Variants in ARMC3 observed in about 807,000 individuals in gnomAD.
The protein encoded by ARMC3 is armadillo repeat-containing protein 3.
In ARMC3, 74 loss-of-function variants were observed where a neutral mutation model predicts 90.3. The observed-to-expected ratio is 0.82, with a 90% CI of 0.68 to 0.99. The LOEUF (loss-of-function observed/expected upper bound fraction) is 0.99. Among genes scored for constraint, ARMC3 ranks in the 50% least tolerant of loss-of-function variants. ARMC3 has a pLI of 0.00. For missense variants in ARMC3, 958 were observed against 1,042.8 expected (o/e 0.92, Z 1.12); for synonymous variants, 334 against 361.8 (o/e 0.92, Z 0.87).
intron 18 of ARMC3, among the ~76,000 whole-genome samples, chr10:23,036,382 C>T (rs1326275335): frequency 6.6e-6 from 1 of 152,178 alleles, no homozygotes; most frequent in African/African-American, 2.4e-5. Flanking sequence ...TTAATATATA[C>T]ATATACAGGG....
chr10:22,984,731 CTT>C (rs1282628803), intron 10 of ARMC3, among the ~76,000 whole-genome samples: 1 of 152,130 alleles, frequency 6.6e-6, no homozygotes, highest in Admixed American at 6.5e-5. Flanking sequence ...GCCAAAAGAT[CTT>C]ACCCATTTGG....
In ARMC3 at chr10:22,932,025, AG is replaced by A; in HGVS notation, c.30del (p.Glu10AspfsTer11). 6 of 1,604,460 alleles carry A rather than the reference AG, an allele frequency of 3.7e-6. No homozygotes were observed. Among genetic ancestry groups the A allele is most frequent in the African/African-American group, 1.3e-5 (1 of 74,386 alleles). On this transcript the variant is annotated frameshift_variant, in exon 2 of 19. Transcript: ENST00000298032. LOFTEE classifies it high-confidence loss of function. The stretch of plus-strand genomic sequence containing the variant: ...GGTAAAAAGATAAAGAAGGAAGTAG[AG>A]CCTCCTCCTAAGGATGTGGTAAGTT... The part of the protein sequence containing the change: MGKKIKKEV[E>X]PPPKDVFDPL...
intron 7 of ARMC3, among the ~76,000 whole-genome samples, chr10:22,964,389 TC>T (rs1196581360): frequency 6.6e-6 from 1 of 152,170 alleles, no homozygotes; most frequent in Non-Finnish European, 1.5e-5. Context: ...TTTATATTTG[TC>T]TGATCTGTTT....
At chr10:23,031,201 A>G (rs1468162350) in intron 17 of ARMC3, 1 of 175,366 alleles carries the variant, frequency 5.7e-6, no homozygotes, top group African/African-American at 2.4e-5. Flanking sequence ...ACAAATGTCC[A>G]ATGTCTCTTT....
In ARMC3 at chr10:23,000,113, G is replaced by T. The variant is rs555926066; in HGVS notation, c.1425+1716G>T. Among the ~76,000 whole-genome samples, 5 of 152,126 alleles carry T rather than the reference G, an allele frequency of 3.3e-5. No individual in the cohort carries two copies. In the East Asian group the frequency reaches 7.8e-4, roughly 24 times the overall value. ...TCACATCATTGCACATCCTCAATGGGAACGTTAAGCTGCTCAGCAACATCT... is the reference window on the plus strand; with the variant it reads ...TCACATCATTGCACATCCTCAATGGTAACGTTAAGCTGCTCAGCAACATCT... On this transcript the variant is annotated intron_variant, in intron 11 of 18. Transcript: ENST00000298032.
At chr10:22,932,816 G>A (rs1379202481) in intron 2 of ARMC3, among the ~76,000 whole-genome samples, 1 of 152,200 alleles carries the variant, frequency 6.6e-6, no homozygotes, top group Non-Finnish European at 1.5e-5. Context: ...GAGCTTTGTG[G>A]TTAAGACACT....
chr10:22,962,304 C>T (rs182360397), intron 7 of ARMC3, among the ~76,000 whole-genome samples: 2 of 152,222 alleles, frequency 1.3e-5, no homozygotes, highest in African/African-American at 4.8e-5. Context: ...AAATTCTTGT[C>T]TATGATCTTC....
At chr10:23,035,188 C>T (rs780886594) in intron 18 of ARMC3, among the ~76,000 whole-genome samples, 7 of 152,150 alleles carry the variant, frequency 4.6e-5, no homozygotes, top group Non-Finnish European at 8.8e-5. Flanking sequence ...ATTGTATCCT[C>T]ACATGGTGGA....
At chr10:22,959,345 G>A in intron 5 of ARMC3, 54 bp from the exon 6 acceptor site, 2 of 1,508,592 alleles carry the variant, frequency 1.3e-6, no homozygotes, top group South Asian at 2.5e-5. Context: ...TTTTAAAGTA[G>A]TGGCTGAATA....
intron 14 of ARMC3, 33 bp from the exon 15 acceptor site, chr10:23,008,243 T>C (rs1216542187): frequency 2.8e-6 from 3 of 1,078,176 alleles, no homozygotes; most frequent in Admixed American, 3.0e-5. Context: ...ATAATTTTAA[T>C]CTATATATAA....
intron 2 of ARMC3, among the ~76,000 whole-genome samples, chr10:22,933,712 C>T (rs954638749): frequency 1.3e-5 from 2 of 152,008 alleles, no homozygotes; most frequent in African/African-American, 4.8e-5. Flanking sequence ...GGTGAAACCC[C>T]GTCTCTACTA....
Position 22,998,335 on chromosome 10 carries a change from G to A in ARMC3, c.1363G>A (p.Val455Met), listed in dbSNP as rs746655428. Reference sequence around the variant, plus strand: ...CCCACTGCGTTCTGCAAACACAGTCGTGCAGAGCAAAGCTGCTCTCGCTGT... The same window carrying A: ...CCCACTGCGTTCTGCAAACACAGTCATGCAGAGCAAAGCTGCTCTCGCTGT... ...ISPLRSANTV[V>M]QSKAALAVTA... Residue 455 changes from valine to methionine, a missense_variant, in exon 11 of 19, where the codon GTG becomes ATG. Val to Met is a conservative substitution (Grantham distance 21). Coordinates refer to ENST00000298032, the MANE Select transcript of ARMC3 (RefSeq NM_173081.5). 16 of 1,613,800 alleles carry A rather than the reference G, an allele frequency of 9.9e-6. No individual in the cohort carries two copies. Among genetic ancestry groups the A allele is most frequent in the Admixed American group, 8.3e-5 (5 of 59,984 alleles).
intron 1 of ARMC3, among the ~76,000 whole-genome samples, chr10:22,928,766 G>A (rs999108458): frequency 2.0e-5 from 3 of 152,192 alleles, no homozygotes; most frequent in Non-Finnish European, 4.4e-5. Context: ...TAAAATATTT[G>A]TAATGGCATG....
intron 10 of ARMC3, among the ~76,000 whole-genome samples, chr10:22,990,923 C>T (rs1459641112): frequency 1.3e-5 from 2 of 151,988 alleles, no homozygotes; most frequent in African/African-American, 4.8e-5. Context: ...GCTTCTGACC[C>T]TCCCTCCACC....
intron 16 of ARMC3, chr10:23,014,427 G>T: frequency 8.9e-7 from 1 of 1,123,720 alleles, no homozygotes; most frequent in Non-Finnish European, 1.1e-6. Context: ...CTTGTCTTAT[G>T]ACTATTAAAA....
intron 2 of ARMC3, among the ~76,000 whole-genome samples, chr10:22,943,552 T>C (rs1834404480): frequency 1.3e-5 from 2 of 152,096 alleles, no homozygotes; most frequent in African/African-American, 4.8e-5. Context: ...TTACCTGTTT[T>C]GTTGAAAAAA....
At chr10:23,002,692 CT>C (rs1276038412) in intron 12 of ARMC3, among the ~76,000 whole-genome samples, 1 of 151,736 alleles carries the variant, frequency 6.6e-6, no homozygotes. Context: ...CCTCTGCCCC[CT>C]GGGTTCGCAA....
At chr10:22,998,113 G>T (rs749068264) in intron 10 of ARMC3, 35 bp from the exon 11 acceptor site, 2 of 1,601,200 alleles carry the variant, frequency 1.2e-6, no homozygotes, top group Admixed American at 3.4e-5. Context: ...TTTGAATTCA[G>T]ATGAATCACA....
In ARMC3 at chr10:22,983,542, G is replaced by GT. The variant is rs201077087; in HGVS notation, c.1175+1850dup. ...TAACCTATTATATACTGTCCATTCTGTTTTTTTTAAATTTTGTATTTTGTA... is the reference window on the plus strand; with the variant it reads ...TAACCTATTATATACTGTCCATTCTGTTTTTTTTTAAATTTTGTATTTTGTA... On this transcript the variant is annotated intron_variant, in intron 10 of 18. Transcript: ENST00000298032. Among the ~76,000 whole-genome samples, 586 of 151,652 alleles carry GT rather than the reference G, an allele frequency of 3.9e-3. 7 individuals carry two copies. Among genetic ancestry groups the GT allele is most frequent in the African/African-American group, 0.013 (525 of 41,320 alleles).
Sources: allele counts gnomAD v4.1 joint callset (sites outside exome capture counted in the v4.1 genomes callset), GRCh38; gene constraint gnomAD v4.1.1; transcripts MANE v1.5; gene names NCBI Gene and HGNC (gene_info 2026-07-23, HGNC 2026-07-21).